Variants in DDX25 observed in about 807,000 individuals in gnomAD.
DDX25 encodes the protein DEAD-box helicase 25, also known as ATP-dependent RNA helicase DDX25.
Under a neutral mutation model 64.6 loss-of-function variants are expected in DDX25, and 70 were observed. The ratio of observed to expected loss-of-function variants is 1.08; its 90% CI spans 0.89 to 1.32. The LOEUF (loss-of-function observed/expected upper bound fraction) is 1.32, where lower values mean the gene tolerates loss of function less well. Ranked by LOEUF, DDX25 falls within the 40% of genes most tolerant of loss-of-function variation. The pLI is 0.00. For missense variants in DDX25, 587 were observed against 604.4 expected (o/e 0.97, Z 0.30); for synonymous variants, 211 against 213.3 (o/e 0.99, Z 0.09).
intron 2 of DDX25, 135 bp downstream of exon 2, chr11:125,905,413 C>T (rs1266732556): frequency 1.8e-5 from 24 of 1,331,518 alleles, no homozygotes; most frequent in Non-Finnish European, 2.5e-5. Context: ...CCTTCCCAAT[C>T]GTTTCGTCCA....
At chr11:125,916,109 A>G (rs1456032601) in intron 8 of DDX25, among the ~76,000 whole-genome samples, 1 of 152,116 alleles carries the variant, frequency 6.6e-6, no homozygotes, top group Non-Finnish European at 1.5e-5. Flanking sequence ...TCACTGGACT[A>G]TATGGTCTCT....
rs539173020 is a variant in DDX25, at chr11:125,907,770, A to G, written c.312-426A>G. ...AAGAACTAATATAAGAATCACCTAA[A>G]TAAAAATTTGTCTTCTCTGAAAATT... On this transcript the variant is annotated intron_variant, in intron 4 of 11. Coordinates refer to ENST00000263576, the MANE Select transcript of DDX25 (RefSeq NM_013264.5). Among the ~76,000 whole-genome samples, 75 of 152,352 alleles carry G rather than the reference A, an allele frequency of 4.9e-4. 1 individual carries two copies. The highest frequency in any genetic ancestry group is 1.7e-3 in the African/African-American group (70 of 41,582).
At chr11:125,904,664 A>C (rs2134270569) in intron 1 of DDX25, 84 bp downstream of exon 1, 1 of 1,386,216 alleles carries the variant, frequency 7.2e-7, no homozygotes, top group Middle Eastern at 1.9e-4. Context: ...GGGGAGGGAG[A>C]GCCCGCGAGC....
intron 8 of DDX25, among the ~76,000 whole-genome samples, chr11:125,916,414 A>G (rs1945037071): frequency 6.6e-6 from 1 of 152,144 alleles, no homozygotes; most frequent in Non-Finnish European, 1.5e-5. Context: ...TTTCCCAAGG[A>G]TTAGCCTCTA....
chr11:125,916,892 A>G (rs1945044557), intron 8 of DDX25, 122 bp from the exon 9 acceptor site: 2 of 910,596 alleles, frequency 2.2e-6, no homozygotes, highest in East Asian at 5.3e-5. Flanking sequence ...ACAGCTGGTC[A>G]TTGCAGGCAG....
At chr11:125,907,421 A>C (rs545643771) in intron 4 of DDX25, among the ~76,000 whole-genome samples, 1 of 152,164 alleles carries the variant, frequency 6.6e-6, no homozygotes, top group Non-Finnish European at 1.5e-5. Context: ...ATCCTGGCTA[A>C]CACAGTGAAA....
At chr11:125,914,180 A>G (rs1945005303) in intron 8 of DDX25, among the ~76,000 whole-genome samples, 4 of 152,112 alleles carry the variant, frequency 2.6e-5, no homozygotes, top group Non-Finnish European at 5.9e-5. Flanking sequence ...TCCTCTTTAT[A>G]TGTGGTGACA....
chr11:125,908,190 TGACAG>T lies in DDX25; in HGVS notation c.312-5_312-1del. 1 of 1,559,454 alleles carries T rather than the reference TGACAG, an allele frequency of 6.4e-7. No homozygotes were observed. Among genetic ancestry groups the T allele is most frequent in the Admixed American group, 2.0e-5 (1 of 49,984 alleles). ...TCTGTAAGTGTTTGATTTTTTTTTTTGACAGAAAGGAAGAGTTACTAAAAGGAATC... is the reference window on the plus strand; with the variant it reads ...TCTGTAAGTGTTTGATTTTTTTTTTTAAAGGAAGAGTTACTAAAAGGAATC... On this transcript the variant is annotated splice_acceptor_variant and splice_polypyrimidine_tract_variant and intron_variant, in intron 4 of 11. Transcript: ENST00000263576. LOFTEE classifies it high-confidence loss of function.
Position 125,911,300 on chromosome 11 carries a change from T to C in DDX25, c.623-11T>C, listed in dbSNP as rs753402366. 9.3e-6 allele frequency: 15 copies of C among 1,605,010 alleles called. 1 individual carries two copies. The highest frequency in any genetic ancestry group is 1.3e-5 in the Non-Finnish European group (15 of 1,175,438). ...CATCTGAAGGAGTGCTTAAAACCCT[T>C]TTCTCCCCAGTTCCCAGAGGCACCG... On this transcript the variant is annotated splice_polypyrimidine_tract_variant and intron_variant, in intron 7 of 11. Coordinates refer to ENST00000263576, the MANE Select transcript of DDX25 (RefSeq NM_013264.5).
At chr11:125,917,730 C>T (rs1945057408) in intron 9 of DDX25, among the ~76,000 whole-genome samples, 2 of 152,192 alleles carry the variant, frequency 1.3e-5, no homozygotes, top group Non-Finnish European at 2.9e-5. Flanking sequence ...ACTAGACCAG[C>T]ACCTATCTGG....
chr11:125,906,100 A>C lies in DDX25; in HGVS notation c.202A>C (p.Asn68His). The C allele has an allele frequency of 6.5e-7, 1 of 1,544,434 alleles. No individual in the cohort carries two copies. The highest frequency in any genetic ancestry group is 8.7e-7 in the Non-Finnish European group (1 of 1,145,386). ...GGATTTGGCAGCTAATTCACTCTTA[A>C]ACAAGTTAATCCATCAATCCTTAGT... is the stretch of plus-strand genomic sequence containing the variant. ...VVDLAANSLLNKLIHQSLVES... is the reference protein window; with the variant it reads ...VVDLAANSLLHKLIHQSLVES... Residue 68 changes from asparagine to histidine, a missense_variant, in exon 4 of 12, where the codon AAC becomes CAC. Coordinates refer to ENST00000263576, the MANE Select transcript of DDX25 (RefSeq NM_013264.5).
At position 125,927,256 on chromosome 11, in the gene DDX25, A is replaced by T. The variant is rs890514464; in HGVS notation, c.*4375A>T. On this transcript the variant is annotated 3_prime_UTR_variant, in exon 12 of 12. Transcript: ENST00000263576. The stretch of plus-strand genomic sequence containing the variant: ...GAGAGATGTCCCATGGTGTTTGGCA[A>T]ACCCACGGAGGGGCCCACAGGCCCA... The T allele has an allele frequency of 6.6e-6, 1 of 152,368 alleles. No homozygotes were observed. The highest frequency in any genetic ancestry group is 1.5e-5 in the Non-Finnish European group (1 of 68,050). 9.4% of individuals were successfully genotyped at this position (152,368 alleles called of 1,614,324 possible).
chr11:125,907,261 A>G (rs1944900368), intron 4 of DDX25, among the ~76,000 whole-genome samples: 1 of 152,190 alleles, frequency 6.6e-6, no homozygotes, highest in South Asian at 2.1e-4. Context: ...ATGATTTAAG[A>G]TGGGCTACCA....
intron 4 of DDX25, among the ~76,000 whole-genome samples, chr11:125,906,439 C>T (rs1193554097): frequency 6.6e-6 from 1 of 151,930 alleles, no homozygotes; most frequent in Non-Finnish European, 1.5e-5. Flanking sequence ...CCTCAGCCTC[C>T]CGAGTAGCTG....
chr11:125,908,122 C>A, intron 4 of DDX25, 74 bp from the exon 5 acceptor site: 1 of 1,224,952 alleles, frequency 8.2e-7, no homozygotes, highest in Non-Finnish European at 1.1e-6. Flanking sequence ...TTTAGAAATG[C>A]ACCTTTCAGG....
At chr11:125,904,280 C>G (rs1425342424), upstream of DDX25, 47 of 51,068 alleles carry the variant, frequency 9.2e-4, no homozygotes, top group Admixed American at 3.2e-3. Flanking sequence ...CCGCTCTCTG[C>G]CCTCCGCCCC....
intron 9 of DDX25, 27 bp from the exon 10 acceptor site, chr11:125,918,601 T>C (rs1344013337): frequency 3.8e-6 from 6 of 1,599,732 alleles, no homozygotes; most frequent in Non-Finnish European, 5.1e-6. Context: ...CTTGGGGTGC[T>C]GTGTTGGGTT....
intron 4 of DDX25, among the ~76,000 whole-genome samples, chr11:125,907,469 G>A (rs775566787): frequency 0.015 from 2,341 of 152,060 alleles, 30 homozygotes; most frequent in Non-Finnish European, 0.024. Context: ...TTAGCCAGGT[G>A]TGGTGGCGGG....
Position 125,911,372 on chromosome 11 carries a change from T to C in DDX25, c.684T>C (p.Asp228=). The change falls in exon 8 of 12, where the codon GAT becomes GAC. Residue 228 remains aspartate (D), a synonymous_variant. Coordinates refer to ENST00000263576, the MANE Select transcript of DDX25 (RefSeq NM_013264.5). ...TTGGCACTCCTGGGACTGTCCTAGA[T>C]TGGTGTTTTAAACTAAAATTGATTG... ...IIIGTPGTVL[D]WCFKLKLIDL... is the part of the protein sequence containing the mutation. 1 of 1,613,844 alleles carries C rather than the reference T, an allele frequency of 6.2e-7. No individual in the cohort carries two copies. Among genetic ancestry groups the C allele is most frequent in the Admixed American group, 1.7e-5 (1 of 60,004 alleles).
Sources: gnomAD v4.1 joint callset for allele counts (sites outside exome capture counted in the v4.1 genomes callset) on GRCh38, gnomAD v4.1.1 for gene constraint, MANE v1.5 for transcripts, NCBI Gene and HGNC (gene_info 2026-07-23, HGNC 2026-07-21) for gene names.